UNC13C: variants seen among roughly 807,000 people sequenced by gnomAD.
UNC13C encodes protein unc-13 homolog C.
A neutral mutation model predicts 245.4 loss-of-function variants in UNC13C; 174 were observed. That is an observed-to-expected ratio of 0.71 (90% CI 0.63 to 0.80). The LOEUF is 0.80. Among genes scored for constraint, UNC13C ranks in the 30% least tolerant of loss-of-function variants. The pLI, the probability that UNC13C is intolerant of heterozygous loss-of-function variation, is 0.00. For synonymous variants in UNC13C, 992 were observed against 895.1 expected (o/e 1.11, Z -1.93); for missense variants, 2,829 against 2,602.9 (o/e 1.09, Z -1.89).
chr15:54,102,201 A>C (rs184597303), intron 2 of UNC13C, among the ~76,000 whole-genome samples: 21 of 152,020 alleles, frequency 1.4e-4, no homozygotes, highest in Admixed American at 1.3e-3. Context: ...TATAGCTTGG[A>C]GTCTAGTAGG....
chr15:54,135,787 T>C (rs550107630), intron 2 of UNC13C, among the ~76,000 whole-genome samples: 2 of 152,324 alleles, frequency 1.3e-5, no homozygotes, highest in East Asian at 3.9e-4. Context: ...TTCAGGGCTT[T>C]TTTATGATTC....
Position 54,015,744 on chromosome 15 carries a change from A to C in UNC13C, c.2841A>C (p.Ile947=). The C allele has an allele frequency of 8.1e-6, 13 of 1,613,402 alleles. No homozygotes were observed. The highest frequency in any genetic ancestry group is 1.0e-5 in the Non-Finnish European group (12 of 1,179,634). Residue 947 remains isoleucine, a synonymous_variant, in exon 2 of 33, where the codon ATA becomes ATC. Coordinates refer to ENST00000260323, the MANE Select transcript of UNC13C (RefSeq NM_001080534.3). The part of the protein sequence containing the change: ...PLNETSAEME[I]REDENQNIPE... The stretch of plus-strand genomic sequence containing the variant: ...ATGAAACATCAGCTGAGATGGAAAT[A>C]AGAGAAGATGAAAACCAAAACATTC...
chr15:54,369,404 T>C (rs2039439459), intron 17 of UNC13C, among the ~76,000 whole-genome samples: 1 of 152,174 alleles, frequency 6.6e-6, no homozygotes, highest in Admixed American at 6.5e-5. Flanking sequence ...TACAATTAAA[T>C]TGGTAATTGA....
intron 4 of UNC13C, among the ~76,000 whole-genome samples, chr15:54,206,251 C>T (rs922813195): frequency 1.3e-5 from 2 of 151,998 alleles, no homozygotes; most frequent in Admixed American, 6.6e-5. Flanking sequence ...TTGCACTAGT[C>T]ACTTACAACC....
chr15:54,026,450 A>G (rs1287392633), intron 2 of UNC13C, among the ~76,000 whole-genome samples: 2 of 152,162 alleles, frequency 1.3e-5, no homozygotes, highest in Non-Finnish European at 2.9e-5. Context: ...CTGGCCTGTA[A>G]TACAAACTTT....
At chr15:54,048,571 A>G (rs1051439573) in intron 2 of UNC13C, 1 of 433,678 alleles carries the variant, frequency 2.3e-6, no homozygotes, top group Non-Finnish European at 4.5e-6. Context: ...GAATTGATGT[A>G]CTGAAACTTA....
chr15:54,603,709 C>T (rs1442728539), intron 30 of UNC13C, among the ~76,000 whole-genome samples: 1 of 152,062 alleles, frequency 6.6e-6, no homozygotes, highest in Non-Finnish European at 1.5e-5. Context: ...CAGAAAAATA[C>T]AAAAATTAGC....
At chr15:53,963,016 T>C in the UNC13C span, among the ~76,000 whole-genome samples, 1 of 152,194 alleles carries the variant, frequency 6.6e-6, no homozygotes, top group Non-Finnish European at 1.5e-5. Flanking sequence ...ACTGCATGAT[T>C]TTTTCACATT....
At chr15:53,979,774 C>G (rs1378297601) in intron 1 of UNC13C, among the ~76,000 whole-genome samples, 1 of 152,130 alleles carries the variant, frequency 6.6e-6, no homozygotes, top group African/African-American at 2.4e-5. Flanking sequence ...TTTTAAAATA[C>G]TCTGCATTTC....
intron 4 of UNC13C, among the ~76,000 whole-genome samples, chr15:54,197,914 G>A (rs550275342): frequency 5.3e-5 from 8 of 152,194 alleles, no homozygotes; most frequent in African/African-American, 1.9e-4. Context: ...GGAGGCTCAT[G>A]GTCTGAGGCA....
chr15:54,513,337 T>C (rs549094586), intron 24 of UNC13C, among the ~76,000 whole-genome samples: 137 of 152,322 alleles, frequency 9.0e-4, no homozygotes, highest in African/African-American at 2.4e-3. Context: ...CATATTTCCA[T>C]AAATTTATCC....
At chr15:54,035,247 G>A (rs190621521) in intron 2 of UNC13C, among the ~76,000 whole-genome samples, 7 of 152,230 alleles carry the variant, frequency 4.6e-5, no homozygotes, top group African/African-American at 1.7e-4. Flanking sequence ...GGCATACCTA[G>A]ATGCTTGCGA....
chr15:54,132,498 A>ACCAT (rs2141217329), intron 2 of UNC13C, among the ~76,000 whole-genome samples: 1 of 152,338 alleles, frequency 6.6e-6, no homozygotes, highest in Admixed American at 6.5e-5. Flanking sequence ...TGAAACATAC[A>ACCAT]CCATCCACAG....
At chr15:54,004,050 A>C (rs1409217845) in intron 1 of UNC13C, among the ~76,000 whole-genome samples, 1 of 152,054 alleles carries the variant, frequency 6.6e-6, no homozygotes, top group Non-Finnish European at 1.5e-5. Context: ...AAACAAAAAA[A>C]CCAAACTCTT....
intron 4 of UNC13C, among the ~76,000 whole-genome samples, chr15:54,197,432 C>CA (rs2034391065): frequency 6.7e-6 from 1 of 150,362 alleles, no homozygotes; most frequent in Middle Eastern, 3.2e-3. Context: ...CACTGCACTA[C>CA]AGCCTGGGTG....
In UNC13C at chr15:54,605,641, G is replaced by A. The variant is rs1216704659; in HGVS notation, c.6107-16686G>A. ...GGTGTTTCCAGTATACAGAGAGGGTGAGGAATCATCCTAACCAAGTTTTAA... is the reference window on the plus strand; with the variant it reads ...GGTGTTTCCAGTATACAGAGAGGGTAAGGAATCATCCTAACCAAGTTTTAA... On this transcript the variant is annotated intron_variant, in intron 30 of 32. Coordinates refer to ENST00000260323, the MANE Select transcript of UNC13C (RefSeq NM_001080534.3). Among the ~76,000 whole-genome samples, 5 of 152,276 alleles carry A rather than the reference G, an allele frequency of 3.3e-5. No homozygotes were observed. In the East Asian group the frequency reaches 7.7e-4, roughly 24 times the overall value.
intron 19 of UNC13C, among the ~76,000 whole-genome samples, chr15:54,471,713 A>G (rs1432122083): frequency 6.6e-6 from 1 of 151,582 alleles, no homozygotes; most frequent in Admixed American, 6.6e-5. Flanking sequence ...CTTGAAAAAA[A>G]TGTGTATTTT....
At chr15:54,464,719 G>T (rs1408314678) in intron 19 of UNC13C, among the ~76,000 whole-genome samples, 1 of 152,042 alleles carries the variant, frequency 6.6e-6, no homozygotes, top group Non-Finnish European at 1.5e-5. Flanking sequence ...TATTGCTCCA[G>T]ATAAATTCAG....
intron 17 of UNC13C, among the ~76,000 whole-genome samples, chr15:54,360,835 G>A (rs1448509411): frequency 1.3e-5 from 2 of 152,110 alleles, no homozygotes; most frequent in African/African-American, 2.4e-5. Flanking sequence ...TCTGAAAGGT[G>A]TATTGGGGCT....
Sources: allele counts gnomAD v4.1 joint callset (sites outside exome capture counted in the v4.1 genomes callset), GRCh38; gene constraint gnomAD v4.1.1; transcripts MANE v1.5; gene names NCBI Gene and HGNC (gene_info 2026-07-23, HGNC 2026-07-21).